ZNF584: variants seen among roughly 807,000 people sequenced by gnomAD.
ZNF584 encodes the protein zinc finger protein 584.
In ZNF584, 12 loss-of-function variants were observed where a neutral mutation model predicts 14.7. That is an observed-to-expected ratio of 0.82 (90% CI 0.52 to 1.32). The LOEUF (loss-of-function observed/expected upper bound fraction) is 1.32, where lower values mean the gene tolerates loss of function less well. Ranked by LOEUF, ZNF584 falls within the 40% of genes most tolerant of loss-of-function variation. ZNF584 has a pLI of 0.00. For synonymous variants in ZNF584, 204 were observed against 190.9 expected (o/e 1.07, Z -0.57); for missense variants, 478 against 518.8 (o/e 0.92, Z 0.76).
chr19:58,412,199 C>CTTTTTTTTTTTTTTTTTTTTTTTT (rs35188048), intron 2 of ZNF584, among the ~76,000 whole-genome samples: 1 of 83,936 alleles, frequency 1.2e-5, no homozygotes, highest in African/African-American at 5.9e-5. Flanking sequence ...CCAGGGTGGT[C>CTTTTTTTTTTTTTTTTTTTTTTTT]TTTTTTTTTT....
Position 58,415,519 on chromosome 19 carries a change from C to T in ZNF584, c.170-5C>T, listed in dbSNP as rs756069788. 24 of 1,609,474 alleles carry T rather than the reference C, an allele frequency of 1.5e-5. No individual in the cohort carries two copies. Among genetic ancestry groups the T allele is most frequent in the Non-Finnish European group, 1.8e-5 (21 of 1,176,608 alleles). ...CCTGTTTCTTTTACTACCTGTCACC[C>T]GCAGGACTTGCACCTTCGAGATCCC... On this transcript the variant is annotated splice_region_variant and splice_polypyrimidine_tract_variant and intron_variant, in intron 2 of 3. Coordinates refer to ENST00000306910, the MANE Select transcript of ZNF584 (RefSeq NM_173548.3).
chr19:58,410,014 G>A lies in ZNF584; in HGVS notation c.92G>A (p.Trp31Ter). The A allele has an allele frequency of 6.2e-7, 1 of 1,614,008 alleles. No homozygotes were observed. The highest frequency in any genetic ancestry group is 8.5e-7 in the Non-Finnish European group (1 of 1,179,994). The change falls in exon 2 of 4, where the codon TGG (tryptophan) becomes TAG (stop). Residue 31 changes from tryptophan to a stop codon, truncating the protein, a stop_gained. Transcript: ENST00000306910. LOFTEE classifies it high-confidence loss of function. ...DVTVYFSREE[W>*]GLLNVTQKGL... Reference sequence around the variant, plus strand: ...ACGGTATATTTCTCCAGGGAGGAGTGGGGGCTCCTTAATGTGACCCAGAAG... The same window carrying A: ...ACGGTATATTTCTCCAGGGAGGAGTAGGGGCTCCTTAATGTGACCCAGAAG...
rs907210489 is a variant in ZNF584, at chr19:58,416,139, C to G, written c.292+493C>G. ...CCTGCACCATATCCTATCTTGTGCC[C>G]TCATCTCAGTTGAGGTTTTCCTTAG... On this transcript the variant is annotated intron_variant, in intron 3 of 3. Transcript: ENST00000306910. 7 of 569,894 alleles carry G rather than the reference C, an allele frequency of 1.2e-5. No individual in the cohort carries two copies. In the East Asian group the frequency reaches 2.1e-4, roughly 17 times the overall value. The allele number at this position is 569,894 out of a possible 1,614,324, so 35.3% of individuals were successfully genotyped here.
Position 58,409,973 on chromosome 19 carries a change from G to T in ZNF584, c.51G>T (p.Val17=). 1 of 1,614,138 alleles carries T rather than the reference G, an allele frequency of 6.2e-7. No homozygotes were observed. Residue 17 remains valine, a synonymous_variant, in exon 2 of 4, where the codon GTG becomes GTT. Coordinates refer to ENST00000306910, the MANE Select transcript of ZNF584 (RefSeq NM_173548.3). The part of the protein sequence containing the change: ...AQLDPSLQGL[V]MFEDVTVYFS... ...TGGACCCATCATTGCAGGGCTTGGT[G>T]ATGTTTGAGGATGTGACGGTATATT...
intron 2 of ZNF584, among the ~76,000 whole-genome samples, chr19:58,410,593 GTATA>G (rs1210056549): frequency 3.0e-5 from 1 of 32,912 alleles, no homozygotes; most frequent in South Asian, 6.9e-4. Flanking sequence ...GTATATATAT[GTATA>G]TATATGTATA....
At chr19:58,403,343 T>C (rs1284175984) in intron 1 of ZNF584, among the ~76,000 whole-genome samples, 1 of 152,196 alleles carries the variant, frequency 6.6e-6, no homozygotes, top group Non-Finnish European at 1.5e-5. Flanking sequence ...AGCAATAAAA[T>C]TAACTGTGCT....
At chr19:58,407,788 G>C (rs1023308992), upstream of ZNF584, among the ~76,000 whole-genome samples, 3 of 152,300 alleles carry the variant, frequency 2.0e-5, no homozygotes, top group Admixed American at 6.5e-5. Context: ...ATTCAGCGGA[G>C]GACACCCAGG....
At position 58,417,549 on chromosome 19, in the gene ZNF584, A is replaced by T. The variant is rs1489380205; in HGVS notation, c.1031A>T (p.His344Leu). The T allele has an allele frequency of 6.2e-7, 1 of 1,614,214 alleles. No homozygotes were observed. The highest frequency in any genetic ancestry group is 1.7e-5 in the Admixed American group (1 of 60,026). ...GTGACCCGTTCAGGCCTCTATCAGC[A>T]CTGGAAAGTCCACACTGGGGAACGG... ...GYVTRSGLYQHWKVHTGERPY... is the reference protein window; with the variant it reads ...GYVTRSGLYQLWKVHTGERPY... The change falls in exon 4 of 4, where the codon CAC (histidine) becomes CTC (leucine). Residue 344 changes from histidine (H) to leucine (L), a missense_variant. Around this residue, in one of 3 missense-constraint regions of ZNF584, gnomAD observed 283 missense variants for 317.3 expected, o/e 0.89. Coordinates refer to ENST00000306910, the MANE Select transcript of ZNF584 (RefSeq NM_173548.3).
chr19:58,406,469 G>A (rs2052474852), upstream of ZNF584: 2 of 152,568 alleles, frequency 1.3e-5, no homozygotes, highest in East Asian at 1.9e-4. Flanking sequence ...GCAGAAAGAG[G>A]GGACAGGGTA....
At chr19:58,410,243 C>A in intron 2 of ZNF584, 152 bp downstream of exon 2, 1 of 1,022,706 alleles carries the variant, frequency 9.8e-7, no homozygotes, top group Non-Finnish European at 1.4e-6. Flanking sequence ...GGTGGTGGGA[C>A]TCGGCGGTGT....
chr19:58,415,822 C>A (rs780881940), intron 3 of ZNF584, 176 bp downstream of exon 3: 4 of 1,603,172 alleles, frequency 2.5e-6, no homozygotes. Context: ...TTTTCAGGCC[C>A]CGCATGTTCC....
intron 3 of ZNF584, 70 bp from the exon 4 acceptor site, chr19:58,416,741 C>T: frequency 6.6e-7 from 1 of 1,504,808 alleles, no homozygotes; most frequent in South Asian, 1.4e-5. Context: ...GTGTGTCTGA[C>T]ATGCACTGGT....
rs535101911 is a variant in ZNF584, at chr19:58,409,947, T to C, written c.25T>C (p.Leu9=). 3 of 1,614,062 alleles carry C rather than the reference T, an allele frequency of 1.9e-6. No individual in the cohort carries two copies. Among genetic ancestry groups the C allele is most frequent in the African/African-American group, 1.3e-5 (1 of 74,992 alleles). MAGEAEAQ[L]DPSLQGLVMF... ...GCCCATCATTGACCCCAAGGCTCAG[T>C]TGGACCCATCATTGCAGGGCTTGGT... is the stretch of plus-strand genomic sequence containing the variant. Residue 9 remains leucine (L), a synonymous_variant, in exon 2 of 4, where the codon TTG becomes CTG. Coordinates refer to ENST00000306910, the MANE Select transcript of ZNF584 (RefSeq NM_173548.3).
intron 2 of ZNF584, among the ~76,000 whole-genome samples, chr19:58,414,895 G>GT (rs1041744265): frequency 6.7e-6 from 1 of 149,356 alleles, no homozygotes; most frequent in African/African-American, 2.5e-5. Flanking sequence ...CTTTTTGTTT[G>GT]TTTGTTTGTG....
In ZNF584 at chr19:58,410,555, ATATG is replaced by A. The variant is rs1251968968; in HGVS notation, c.169+466_169+469del. ...TATATATATATATATATATATATAT[ATATG>A]TGTATATATATATGTATATATATGT... On this transcript the variant is annotated intron_variant, in intron 2 of 3. Transcript: ENST00000306910. Among the ~76,000 whole-genome samples, 72 of 26,876 alleles carry A rather than the reference ATATG, an allele frequency of 2.7e-3. 17 individuals are homozygous for A. The highest frequency in any genetic ancestry group is 0.02 in the African/African-American group (58 of 2,834). 17.6% of individuals were successfully genotyped at this position (26,876 alleles called of 152,430 possible).
chr19:58,417,666 A>G lies in ZNF584; in HGVS notation c.1148A>G (p.Glu383Gly), dbSNP rs923212126. 6.2e-7 allele frequency: 1 copy of G among 1,613,918 alleles called. No homozygotes were observed. The highest frequency in any genetic ancestry group is 1.7e-5 in the Admixed American group (1 of 60,006). Residue 383 changes from glutamate (E) to glycine (G), a missense_variant, in exon 4 of 4, where the codon GAA becomes GGA. Coordinates refer to ENST00000306910, the MANE Select transcript of ZNF584 (RefSeq NM_173548.3). ...TTCCACACTGAAGAGAGGTCTTATGAATGTACAGAGTGTGGGAAGGCCTTC... is the reference window on the plus strand; with the variant it reads ...TTCCACACTGAAGAGAGGTCTTATGGATGTACAGAGTGTGGGAAGGCCTTC... Reference protein sequence around the residue: ...QQFHTEERSYECTECGKAFKH... With the variant: ...QQFHTEERSYGCTECGKAFKH...
intron 2 of ZNF584, among the ~76,000 whole-genome samples, chr19:58,413,382 G>A (rs183550705): frequency 7.3e-4 from 110 of 151,374 alleles, no homozygotes; most frequent in African/African-American, 2.6e-3. Context: ...ATGGAGTCCT[G>A]TTGCCCACGC....
intron 2 of ZNF584, among the ~76,000 whole-genome samples, chr19:58,411,345 G>A (rs1309853262): frequency 6.6e-6 from 1 of 151,658 alleles, no homozygotes; most frequent in African/African-American, 2.4e-5. Context: ...TGGTCAACAT[G>A]GTGAAACCCC....
rs1158092264 is a variant in ZNF584 at position 58,410,579 on chromosome 19, A to G, written c.169+488A>G. The stretch of plus-strand genomic sequence containing the variant: ...TATATGTGTATATATATATGTATAT[A>G]TATGTATATATATGTATATATATGT... On this transcript the variant is annotated intron_variant, in intron 2 of 3. Coordinates refer to ENST00000306910, the MANE Select transcript of ZNF584 (RefSeq NM_173548.3). Among the ~76,000 whole-genome samples the G allele has an allele frequency of 4.2e-4, 11 of 26,212 alleles. 1 individual carries two copies. The highest frequency in any genetic ancestry group is 3.8e-3 in the African/African-American group (10 of 2,602). 17.2% of individuals were successfully genotyped at this position (26,212 alleles called of 152,430 possible).
Sources: gnomAD v4.1 joint callset for allele counts (sites outside exome capture counted in the v4.1 genomes callset) on GRCh38, gnomAD v4.1.1 for gene constraint, gnomAD v4.1.1 regional missense constraint, MANE v1.5 for transcripts, NCBI Gene and HGNC (gene_info 2026-07-23, HGNC 2026-07-21) for gene names.